MBD2: variants seen among roughly 807,000 people sequenced by gnomAD.
The protein encoded by MBD2 is methyl-CpG binding domain protein 2.
In MBD2, 9 loss-of-function variants were observed where a neutral mutation model predicts 39.3. The observed-to-expected ratio is 0.23, with a 90% CI of 0.14 to 0.40. The LOEUF (loss-of-function observed/expected upper bound fraction) is 0.40. MBD2 is among the 10% of genes least tolerant of loss of function. The pLI is 1.00. For missense variants in MBD2, 458 were observed against 532.6 expected (o/e 0.86, Z 1.38); for synonymous variants, 233 against 211.1 (o/e 1.10, Z -0.90).
chr18:54,168,501 A>G (rs1343426147), intron 3 of MBD2, among the ~76,000 whole-genome samples: 1 of 150,568 alleles, frequency 6.6e-6, no homozygotes, highest in Non-Finnish European at 1.5e-5. Context: ...TGCTCTTTCA[A>G]TAGTAAAAGC....
At chr18:54,164,741 AT>A in intron 4 of MBD2, 41 bp from the exon 5 acceptor site, 1 of 1,539,002 alleles carries the variant, frequency 6.5e-7, no homozygotes, top group East Asian at 2.3e-5. Context: ...AAATGTCTCA[AT>A]GTGCTGAGCA....
At chr18:54,185,382 CTG>C (rs944905470) in intron 3 of MBD2, among the ~76,000 whole-genome samples, 3 of 152,126 alleles carry the variant, frequency 2.0e-5, no homozygotes, top group African/African-American at 7.2e-5. Context: ...TATTCAAAGA[CTG>C]TCAAAAACAC....
intron 1 of MBD2, among the ~76,000 whole-genome samples, chr18:54,208,790 C>T (rs2086474651): frequency 6.6e-6 from 1 of 152,160 alleles, no homozygotes; most frequent in South Asian, 2.1e-4. Context: ...CAGCTGAAAA[C>T]ATAATAGAGC....
chr18:54,199,535 TG>T lies in MBD2; in HGVS notation c.702+5462del, dbSNP rs2086390269. ...TCTCAAAGTGTGACCTGAGAATTCC[TG>T]GGGGTCCCCAAGATCATTTTGGAAG... is the stretch of plus-strand genomic sequence containing the variant. On this transcript the variant is annotated intron_variant, in intron 2 of 6. Coordinates refer to ENST00000256429, the MANE Select transcript of MBD2 (RefSeq NM_003927.5). Among the ~76,000 whole-genome samples the T allele has an allele frequency of 2.6e-5, 4 of 152,196 alleles. No individual in the cohort carries two copies. The South Asian group carries it at 8.3e-4, about 32-fold the overall frequency.
At chr18:54,169,180 C>T (rs1264098762) in intron 3 of MBD2, among the ~76,000 whole-genome samples, 1 of 152,166 alleles carries the variant, frequency 6.6e-6, no homozygotes, top group Non-Finnish European at 1.5e-5. Flanking sequence ...GTTTTTAATA[C>T]ACTGAGACTT....
chr18:54,164,329 G>A (rs2086115597), intron 5 of MBD2, among the ~76,000 whole-genome samples, 194 bp downstream of exon 5: 1 of 152,108 alleles, frequency 6.6e-6, no homozygotes, highest in Non-Finnish European at 1.5e-5. Flanking sequence ...ATTTATACCC[G>A]TTTCAAGCAT....
chr18:54,172,268 G>A (rs1165360322), intron 3 of MBD2, among the ~76,000 whole-genome samples: 4 of 152,082 alleles, frequency 2.6e-5, no homozygotes, highest in Admixed American at 1.3e-4. Flanking sequence ...TAAAGAATTG[G>A]TGTAACATAT....
At chr18:54,195,671 C>T (rs111751810) in intron 2 of MBD2, among the ~76,000 whole-genome samples, 31 of 152,036 alleles carry the variant, frequency 2.0e-4, no homozygotes, top group Middle Eastern at 6.8e-3. Context: ...TGAGTGCCTA[C>T]TATGTGGCAG....
intron 6 of MBD2, among the ~76,000 whole-genome samples, chr18:54,157,215 A>G (rs563301492): frequency 3.3e-5 from 5 of 152,290 alleles, no homozygotes; most frequent in African/African-American, 1.2e-4. Context: ...CATGTCTTCA[A>G]TAAGGGAAGA....
chr18:54,209,717 G>A (rs1473296563), intron 1 of MBD2, among the ~76,000 whole-genome samples: 1 of 152,164 alleles, frequency 6.6e-6, no homozygotes, highest in Non-Finnish European at 1.5e-5. Flanking sequence ...AAGGCCCAAG[G>A]GAATGATTAA....
At chr18:54,192,482 C>G (rs1199973483) in intron 2 of MBD2, among the ~76,000 whole-genome samples, 1 of 152,116 alleles carries the variant, frequency 6.6e-6, no homozygotes, top group Non-Finnish European at 1.5e-5. Context: ...CTGCCTGCCT[C>G]GGCCTCCCAA....
chr18:54,213,845 T>C (rs893757245), intron 1 of MBD2, among the ~76,000 whole-genome samples: 1 of 152,202 alleles, frequency 6.6e-6, no homozygotes, highest in African/African-American at 2.4e-5. Flanking sequence ...TGTGTGTATG[T>C]AGGTATATGT....
chr18:54,188,934 T>G lies in MBD2; in HGVS notation c.780A>C (p.Thr260=), dbSNP rs1181505401. 1.2e-6 allele frequency: 2 copies of G among 1,610,558 alleles called. No individual in the cohort carries two copies. The highest frequency in any genetic ancestry group is 4.5e-5 in the East Asian group (2 of 44,780). Residue 260 remains threonine (T), a synonymous_variant, in exon 3 of 7, where the codon ACA becomes ACC. Coordinates refer to ENST00000256429, the MANE Select transcript of MBD2 (RefSeq NM_003927.5). ...ATTTCACTTTATTACTAGGATGATT[T>G]GTGACTTTGGTTACCGGTTGTTTGA... is the stretch of plus-strand genomic sequence containing the variant. The part of the protein sequence containing the change: ...SIFKQPVTKV[T]NHPSNKVKSD...
chr18:54,185,093 TAC>T (rs36079641), intron 3 of MBD2, among the ~76,000 whole-genome samples: 5,671 of 152,312 alleles, frequency 0.037, 336 homozygotes, highest in African/African-American at 0.13. Flanking sequence ...TGATCTATTT[TAC>T]ACACTTTTCA....
At chr18:54,170,741 C>T (rs968212216) in intron 3 of MBD2, among the ~76,000 whole-genome samples, 3 of 152,104 alleles carry the variant, frequency 2.0e-5, no homozygotes, top group Admixed American at 1.3e-4. Context: ...TCTACAAGGC[C>T]GACTGCAATA....
At chr18:54,182,213 C>T (rs2086256376) in intron 3 of MBD2, among the ~76,000 whole-genome samples, 1 of 152,078 alleles carries the variant, frequency 6.6e-6, no homozygotes, top group Non-Finnish European at 1.5e-5. Context: ...ATATTAAGCA[C>T]TTACATAATA....
At chr18:54,158,805 T>C (rs2086072941) in intron 6 of MBD2, among the ~76,000 whole-genome samples, 1 of 152,112 alleles carries the variant, frequency 6.6e-6, no homozygotes, top group Non-Finnish European at 1.5e-5. Flanking sequence ...TTTTTATATT[T>C]TTAGTAGAGA....
At chr18:54,166,002 C>G in intron 4 of MBD2, 74 bp downstream of exon 4, 1 of 1,007,136 alleles carries the variant, frequency 9.9e-7, no homozygotes, top group African/African-American at 1.6e-5. Flanking sequence ...TTGCTGAATC[C>G]ACAGCATCTA....
chr18:54,224,454 C>G lies in MBD2; in HGVS notation c.106G>C (p.Gly36Arg). Residue 36 changes from glycine (G) to arginine (R), a missense_variant, in exon 1 of 7, where the codon GGC (glycine) becomes CGC (arginine). Coordinates refer to ENST00000256429, the MANE Select transcript of MBD2 (RefSeq NM_003927.5). ...AGGDSAIEQG[G>R]QGSALAPSPV... ...GACGGGGCGAGCGCGCTGCCCTGGCCCCCCTGCTCTATGGCGGAGTCGCCG... is the reference window on the plus strand; with the variant it reads ...GACGGGGCGAGCGCGCTGCCCTGGCGCCCCTGCTCTATGGCGGAGTCGCCG... 1 of 1,234,290 alleles carries G rather than the reference C, an allele frequency of 8.1e-7. No individual in the cohort carries two copies. Among genetic ancestry groups the G allele is most frequent in the Non-Finnish European group, 1.0e-6 (1 of 991,064 alleles). 76.5% of individuals were successfully genotyped at this position (1,234,290 alleles called of 1,614,324 possible). A position where few individuals can be genotyped will look rare whatever the true frequency, so the allele number is the denominator to read the frequency against.
Sources: allele counts gnomAD v4.1 joint callset (sites outside exome capture counted in the v4.1 genomes callset), GRCh38; gene constraint gnomAD v4.1.1; transcripts MANE v1.5; gene names NCBI Gene and HGNC (gene_info 2026-07-23, HGNC 2026-07-21).